Variants in MARK2 observed in about 807,000 individuals in gnomAD.
MARK2 encodes the protein microtubule affinity regulating kinase 2.
In MARK2, 16 loss-of-function variants were observed where a neutral mutation model predicts 89.8. The observed-to-expected ratio is 0.18, with a 90% confidence interval of 0.12 to 0.27. The LOEUF (loss-of-function observed/expected upper bound fraction) is 0.27, where lower values mean the gene tolerates loss of function less well. MARK2 is among the 10% of genes least tolerant of loss of function. The pLI is 1.00. For missense variants in MARK2, 621 were observed against 1,049.9 expected (o/e 0.59, Z 5.65); for synonymous variants, 382 against 399.5 (o/e 0.96, Z 0.52).
chr11:63,887,336 G>A (rs552086765), intron 1 of MARK2, among the ~76,000 whole-genome samples: 1 of 152,304 alleles, frequency 6.6e-6, no homozygotes, highest in South Asian at 2.1e-4. Context: ...GAGATTTTGG[G>A]CAAGTCTCAT....
At chr11:63,842,409 G>A (rs568293163) in intron 1 of MARK2, among the ~76,000 whole-genome samples, 2 of 152,126 alleles carry the variant, frequency 1.3e-5, no homozygotes, top group African/African-American at 4.8e-5. Flanking sequence ...TAGAGACAGC[G>A]TTTCACCATG....
rs894871112 is a variant in MARK2, at chr11:63,903,243, C to T, written c.1514+85C>T. 7.1e-5 allele frequency: 74 copies of T among 1,043,212 alleles called. No individual in the cohort carries two copies. In the African/African-American group the frequency reaches 1.1e-3, roughly 15 times the overall value. 64.6% of individuals were successfully genotyped at this position (1,043,212 alleles called of 1,614,324 possible). On this transcript the variant is annotated intron_variant, in intron 14 of 18. Transcript: ENST00000402010. This position sits in a 1 kb window ranked among gnomAD's most constrained non-coding sequence, Gnocchi z 5.1. The stretch of plus-strand genomic sequence containing the variant: ...TCTGTCAGCAGCACCGTCTCCTGTC[C>T]CTGCCAGCGCATTGCTCCCTGCTCC...
intron 1 of MARK2, among the ~76,000 whole-genome samples, chr11:63,877,204 A>G (rs1443971806): frequency 7.5e-6 from 1 of 133,046 alleles, no homozygotes; most frequent in Non-Finnish European, 1.5e-5. Context: ...CGACCTCCCC[A>G]GGCACAGGTG....
At chr11:63,892,573 C>A (rs1416187477) in intron 1 of MARK2, among the ~76,000 whole-genome samples, 2 of 152,152 alleles carry the variant, frequency 1.3e-5, no homozygotes, top group Admixed American at 1.3e-4. Context: ...GCCCTCCAGA[C>A]TGTTTCCTTG....
chr11:63,889,309 T>C (rs1939637840), intron 1 of MARK2, among the ~76,000 whole-genome samples: 2 of 152,166 alleles, frequency 1.3e-5, no homozygotes, highest in African/African-American at 2.4e-5. Flanking sequence ...GGGACACTTT[T>C]CTCCCCCAAC....
Position 63,900,077 on chromosome 11 carries a change from C to T in MARK2, c.735C>T (p.Ser245=). ...GAGTTATCCTCTATACACTGGTCAGCGGATCCCTGCCTTTTGATGGACAGA... is the reference window on the plus strand; with the variant it reads ...GAGTTATCCTCTATACACTGGTCAGTGGATCCCTGCCTTTTGATGGACAGA... ...SLGVILYTLV[S]GSLPFDGQNL... Residue 245 remains serine (S), a synonymous_variant, in exon 8 of 19, where the codon AGC becomes AGT. Transcript: ENST00000402010. The surrounding 1 kb of genome is among the most constrained non-coding windows in gnomAD (Gnocchi z 4.7). 6.2e-7 allele frequency: 1 copy of T among 1,613,782 alleles called. No homozygotes were observed. The highest frequency in any genetic ancestry group is 8.5e-7 in the Non-Finnish European group (1 of 1,179,668).
intron 2 of MARK2, 114 bp from the exon 3 acceptor site, chr11:63,895,466 G>A (rs1358784586): frequency 2.1e-6 from 3 of 1,423,428 alleles, no homozygotes; most frequent in Admixed American, 1.7e-5. Flanking sequence ...AGATATAGGG[G>A]TGCAAAAAGC....
chr11:63,886,203 T>C (rs1354480316), intron 1 of MARK2, among the ~76,000 whole-genome samples: 1 of 151,846 alleles, frequency 6.6e-6, no homozygotes, highest in Non-Finnish European at 1.5e-5. Flanking sequence ...CATAGCTCAC[T>C]GTTACCTCCA....
At chr11:63,858,417 T>A (rs898758417) in intron 1 of MARK2, among the ~76,000 whole-genome samples, 2 of 151,914 alleles carry the variant, frequency 1.3e-5, no homozygotes, top group South Asian at 2.1e-4. Flanking sequence ...TGGAGTGCAA[T>A]GGCACGATCT....
chr11:63,846,265 C>G (rs1304053428), intron 1 of MARK2, among the ~76,000 whole-genome samples: 1 of 151,890 alleles, frequency 6.6e-6, no homozygotes, highest in Non-Finnish European at 1.5e-5. Flanking sequence ...ATCTGTAATC[C>G]CAGCACTTCG....
At chr11:63,894,884 A>G (rs10897460) in intron 1 of MARK2, among the ~76,000 whole-genome samples, 15,740 of 151,946 alleles carry the variant, frequency 0.1, 2,703 homozygotes, top group African/African-American at 0.35. Context: ...TTGTGTTGCC[A>G]ATGGAGGTTC....
At chr11:63,887,599 C>G (rs1939479201) in intron 1 of MARK2, among the ~76,000 whole-genome samples, 1 of 152,160 alleles carries the variant, frequency 6.6e-6, no homozygotes, top group Non-Finnish European at 1.5e-5. Context: ...TAATGGCTAC[C>G]AACGTGAGAA....
rs1939569490 is a variant in MARK2, at chr11:63,888,722, C to T, written c.55-6437C>T. ...TCTCTGCTAGTGGTGGTTTCGGTTG[C>T]GACACCGTCCAGGTTCCCAGGCAGG... On this transcript the variant is annotated intron_variant, in intron 1 of 18. Transcript: ENST00000402010. 6 of 1,192,432 alleles carry T rather than the reference C, an allele frequency of 5.0e-6. No homozygotes were observed. The South Asian group carries it at 6.2e-5, about 12-fold the overall frequency. 73.9% of individuals were successfully genotyped at this position (1,192,432 alleles called of 1,614,324 possible).
At chr11:63,870,188 G>A (rs566635250) in intron 1 of MARK2, among the ~76,000 whole-genome samples, 21 of 152,296 alleles carry the variant, frequency 1.4e-4, no homozygotes, top group Admixed American at 5.2e-4. Flanking sequence ...AAATCCTGCC[G>A]GAGACTATGC....
At position 63,902,236 on chromosome 11, in the gene MARK2, A is replaced by G. The variant is rs1480943576; in HGVS notation, c.1140A>G (p.Ser380=). Residue 380 remains serine, a synonymous_variant, in exon 12 of 19, where the codon TCA becomes TCG. Coordinates refer to ENST00000402010, the MANE Select transcript of MARK2 (RefSeq NM_001039469.3). This position sits in a 1 kb window ranked among gnomAD's most constrained non-coding sequence, Gnocchi z 4.2. ...GDTITLKPRP[S]ADLTNSSAPS... is the part of the protein sequence containing the mutation. Reference sequence around the variant, plus strand: ...CCATCACCCTGAAACCCCGGCCTTCAGCTGATCTGACCAATAGCAGCGCCC... The same window carrying G: ...CCATCACCCTGAAACCCCGGCCTTCGGCTGATCTGACCAATAGCAGCGCCC... The G allele has an allele frequency of 1.9e-6, 3 of 1,614,124 alleles. No homozygotes were observed. The highest frequency in any genetic ancestry group is 2.5e-6 in the Non-Finnish European group (3 of 1,180,012).
At chr11:63,850,101 C>A (rs568584025) in intron 1 of MARK2, 1 of 152,278 alleles carries the variant, frequency 6.6e-6, no homozygotes, top group East Asian at 1.9e-4. Flanking sequence ...CATCTTCAAG[C>A]CACTGGGGTC....
intron 1 of MARK2, among the ~76,000 whole-genome samples, chr11:63,858,643 G>T (rs1307237510): frequency 6.6e-6 from 1 of 152,210 alleles, no homozygotes; most frequent in Non-Finnish European, 1.5e-5. Flanking sequence ...CTGAGCCACT[G>T]TGCCTGGCCA....
intron 17 of MARK2, among the ~76,000 whole-genome samples, chr11:63,908,001 T>C (rs1187670410): frequency 1.3e-5 from 2 of 152,162 alleles, no homozygotes; most frequent in Non-Finnish European, 2.9e-5. Context: ...AGAGGCTCCT[T>C]CTCCCCGGCA....
intron 1 of MARK2, among the ~76,000 whole-genome samples, chr11:63,887,044 T>C (rs940606358): frequency 6.6e-6 from 1 of 152,224 alleles, no homozygotes; most frequent in Non-Finnish European, 1.5e-5. Context: ...AGGGTTGCTG[T>C]GGGACCACTG....
Sources: allele counts gnomAD v4.1 joint callset (sites outside exome capture counted in the v4.1 genomes callset), GRCh38; gene constraint gnomAD v4.1.1; non-coding constraint Gnocchi (gnomAD v3.1); transcripts MANE v1.5; gene names NCBI Gene and HGNC (gene_info 2026-07-23, HGNC 2026-07-21).